Variants in ARHGAP32 observed in about 807,000 individuals in gnomAD.
ARHGAP32 encodes Rho GTPase activating protein 32.
ARHGAP32 carries 51 observed loss-of-function variants against 186.5 expected under a neutral mutation model. The ratio of observed to expected loss-of-function variants is 0.27; its 90% CI spans 0.22 to 0.35. ARHGAP32 has a LOEUF of 0.35. Among genes scored for constraint, ARHGAP32 ranks in the 10% least tolerant of loss-of-function variants. The probability of loss-of-function intolerance (pLI) is 1.00; values close to 1 mark genes in which losing one functional copy is unlikely to be tolerated. For synonymous variants in ARHGAP32, 950 were observed against 964.3 expected, an observed-to-expected ratio of 0.99 and a Z score of 0.27; for missense variants, 2,186 against 2,623.5, an observed-to-expected ratio of 0.83 and a Z score of 3.64.
At chr11:129,029,660 G>A (rs888390091) in intron 11 of ARHGAP32, among the ~76,000 whole-genome samples, 7 of 152,048 alleles carry the variant, frequency 4.6e-5, no homozygotes, top group South Asian at 2.1e-4. Flanking sequence ...AAAATTAGCC[G>A]GGCGTGGTGC....
intron 11 of ARHGAP32, among the ~76,000 whole-genome samples, chr11:129,004,866 T>C (rs602712): frequency 0.35 from 52,978 of 151,878 alleles, 9,500 homozygotes; most frequent in Non-Finnish European, 0.39. Flanking sequence ...CATTTACATT[T>C]GATGTTATTA....
intron 1 of ARHGAP32, among the ~76,000 whole-genome samples, chr11:129,268,871 CCTCT>C (rs1309502516): frequency 1.3e-5 from 2 of 152,112 alleles, no homozygotes; most frequent in Admixed American, 1.3e-4. Context: ...GACTCTAGCA[CCTCT>C]CTATCATCAA....
intron 6 of ARHGAP32, among the ~76,000 whole-genome samples, chr11:129,077,646 C>T (rs1591594130): frequency 6.6e-6 from 1 of 152,126 alleles, no homozygotes; most frequent in Non-Finnish European, 1.5e-5. Context: ...CAGCAACCCT[C>T]ACCCAAGCTC....
chr11:129,255,645 T>C (rs4366496), intron 1 of ARHGAP32, among the ~76,000 whole-genome samples: 132,711 of 151,978 alleles, frequency 0.87, 58,212 homozygotes, highest in African/African-American at 0.95. Context: ...AAACTAGTAG[T>C]CAGAATATAA....
At chr11:128,996,463 T>C (rs1311726879) in intron 12 of ARHGAP32, among the ~76,000 whole-genome samples, 1 of 152,228 alleles carries the variant, frequency 6.6e-6, no homozygotes, top group Non-Finnish European at 1.5e-5. Context: ...CATCTCTTCA[T>C]GTTTTTTGTT....
intron 2 of ARHGAP32, 72 bp from the exon 3 acceptor site, chr11:129,124,966 T>C: frequency 8.7e-7 from 1 of 1,152,794 alleles, no homozygotes; most frequent in Non-Finnish European, 1.2e-6. Flanking sequence ...CAGGTTATAA[T>C]TTATGTTAAT....
At chr11:129,152,791 G>A (rs530222586) in intron 2 of ARHGAP32, among the ~76,000 whole-genome samples, 1 of 151,876 alleles carries the variant, frequency 6.6e-6, no homozygotes, top group East Asian at 1.9e-4. Flanking sequence ...TACTGAATAG[G>A]GACAAGCTGA....
chr11:129,110,957 T>C (rs1250228147), intron 5 of ARHGAP32, among the ~76,000 whole-genome samples: 5 of 152,194 alleles, frequency 3.3e-5, no homozygotes, highest in Non-Finnish European at 7.4e-5. Context: ...TGAATTCCAA[T>C]ACTACGTTGA....
intron 1 of ARHGAP32, among the ~76,000 whole-genome samples, chr11:129,261,593 A>C (rs1945321271): frequency 6.6e-6 from 1 of 152,220 alleles, no homozygotes; most frequent in African/African-American, 2.4e-5. Flanking sequence ...ATGCTAAAAG[A>C]AAGCCAGTAA....
At chr11:129,066,953 A>G (rs1591584271) in intron 6 of ARHGAP32, 85 bp from the exon 7 acceptor site, 1 of 1,165,452 alleles carries the variant, frequency 8.6e-7, no homozygotes, top group East Asian at 2.6e-5. Flanking sequence ...ATGTGATTTT[A>G]TTCATGAGAT....
chr11:128,989,209 G>A (rs1396793765), intron 12 of ARHGAP32, among the ~76,000 whole-genome samples: 3 of 151,712 alleles, frequency 2.0e-5, no homozygotes, highest in African/African-American at 7.3e-5. Flanking sequence ...AATTCTGTCA[G>A]ATCCTATAAC....
intron 6 of ARHGAP32, among the ~76,000 whole-genome samples, chr11:129,080,846 C>T (rs1197837618): frequency 6.6e-6 from 1 of 151,638 alleles, no homozygotes; most frequent in Non-Finnish European, 1.5e-5. Flanking sequence ...AATAAAATCA[C>T]TAGACCATTG....
chr11:129,153,813 A>C (rs12800665), intron 2 of ARHGAP32, among the ~76,000 whole-genome samples: 3 of 152,192 alleles, frequency 2.0e-5, no homozygotes, highest in Non-Finnish European at 4.4e-5. Context: ...TCTTCTAGAC[A>C]TTGGCTTAGG....
intron 5 of ARHGAP32, among the ~76,000 whole-genome samples, chr11:129,105,530 A>AC (rs1197042886): frequency 2.0e-5 from 3 of 152,204 alleles, no homozygotes; most frequent in African/African-American, 7.2e-5. Context: ...ACAAAACACT[A>AC]CCTAAACACA....
intron 5 of ARHGAP32, among the ~76,000 whole-genome samples, chr11:129,103,553 G>C (rs578197472): frequency 1.3e-5 from 2 of 151,960 alleles, no homozygotes; most frequent in South Asian, 2.1e-4. Flanking sequence ...AAGAAACTCA[G>C]TGCACCCCAA....
chr11:129,074,480 C>T (rs1215109087), intron 6 of ARHGAP32, among the ~76,000 whole-genome samples: 5 of 151,864 alleles, frequency 3.3e-5, no homozygotes, highest in Non-Finnish European at 5.9e-5. Context: ...TGTAGTGCAA[C>T]CACTAAAAAA....
intron 11 of ARHGAP32, among the ~76,000 whole-genome samples, chr11:129,007,669 G>A (rs769350555): frequency 7.2e-5 from 11 of 152,060 alleles, no homozygotes; most frequent in Non-Finnish European, 1.2e-4. Flanking sequence ...GTCACAAACC[G>A]TCCTGCCTAG....
rs528058240 is a variant in ARHGAP32 at position 129,199,236 on chromosome 11, C to T, written c.-4-34809G>A. On this transcript the variant is annotated intron_variant, in intron 1 of 6. Coordinates refer to the ARHGAP32 transcript ENST00000525234. ...GCAACAGAAAAGAAAAACCCATTTTCCAAGGAGAAAGTCAAATCAGCTGCA... is the reference window on the plus strand; with the variant it reads ...GCAACAGAAAAGAAAAACCCATTTTTCAAGGAGAAAGTCAAATCAGCTGCA... Among the ~76,000 whole-genome samples the T allele has an allele frequency of 2.0e-5, 3 of 152,354 alleles. No homozygotes were observed. The East Asian group carries it at 5.8e-4, about 29-fold the overall frequency.
chr11:129,099,853 A>G (rs1415313893), intron 5 of ARHGAP32, among the ~76,000 whole-genome samples: 1 of 151,830 alleles, frequency 6.6e-6, no homozygotes, highest in African/African-American at 2.4e-5. Context: ...TTCAGAGGGA[A>G]GGCACCCAGA....
Sources: allele counts gnomAD v4.1 joint callset (sites outside exome capture counted in the v4.1 genomes callset), GRCh38; gene constraint gnomAD v4.1.1; transcripts MANE v1.5; gene names NCBI Gene and HGNC (gene_info 2026-07-23, HGNC 2026-07-21).